Variants in PTPRT observed in about 807,000 individuals in gnomAD.
PTPRT encodes receptor-type tyrosine-protein phosphatase T.
PTPRT carries 56 observed loss-of-function variants against 176.8 expected under a neutral mutation model. The ratio of observed to expected loss-of-function variants is 0.32; its 90% CI spans 0.26 to 0.40. The LOEUF is 0.40. Among genes scored for constraint, PTPRT ranks in the 10% least tolerant of loss-of-function variants. The pLI, the probability that PTPRT is intolerant of heterozygous loss-of-function variation, is 1.00. For synonymous variants in PTPRT, 783 were observed against 739.0 expected, an observed-to-expected ratio of 1.06 and a Z score of -0.96; for missense variants, 1,540 against 1,908.2, an observed-to-expected ratio of 0.81 and a Z score of 3.60.
At chr20:42,356,300 GGC>G (rs1213862998) in intron 9 of PTPRT, among the ~76,000 whole-genome samples, 2 of 152,144 alleles carry the variant, frequency 1.3e-5, no homozygotes, top group African/African-American at 4.8e-5. Context: ...CTGGGCTCCT[GGC>G]ATGGGTTCTG....
intron 27 of PTPRT, among the ~76,000 whole-genome samples, chr20:42,097,851 G>A (rs1397657746): frequency 6.6e-6 from 1 of 152,228 alleles, no homozygotes; most frequent in East Asian, 1.9e-4. Context: ...TCCTGAGTAT[G>A]GGGATATGCT....
At chr20:42,473,668 T>A (rs1029070363) in intron 7 of PTPRT, among the ~76,000 whole-genome samples, 44 of 152,086 alleles carry the variant, frequency 2.9e-4, no homozygotes, top group African/African-American at 1.0e-3. Context: ...ACATATGGGG[T>A]CTCTCTATGT....
intron 1 of PTPRT, among the ~76,000 whole-genome samples, chr20:42,920,378 C>T (rs1190406051): frequency 6.6e-6 from 1 of 151,732 alleles, no homozygotes; most frequent in African/African-American, 2.4e-5. Flanking sequence ...TAAGTGGTCG[C>T]CTGGAGCAGG....
chr20:43,144,577 GT>G (rs1163244254), intron 1 of PTPRT, among the ~76,000 whole-genome samples: 1 of 152,114 alleles, frequency 6.6e-6, no homozygotes, highest in East Asian at 1.9e-4. Flanking sequence ...GGAATCAAAA[GT>G]GATGTATGAG....
intron 1 of PTPRT, among the ~76,000 whole-genome samples, chr20:42,978,154 A>G (rs1012223478): frequency 1.3e-5 from 2 of 152,278 alleles, no homozygotes; most frequent in African/African-American, 4.8e-5. Context: ...TGTCCTGAAC[A>G]TACATATTAA....
At chr20:42,149,367 C>T (rs142285461) in intron 17 of PTPRT, among the ~76,000 whole-genome samples, 5 of 151,036 alleles carry the variant, frequency 3.3e-5, no homozygotes, top group East Asian at 3.9e-4. Context: ...ATCAAGGTCT[C>T]GTGGACCAAG....
chr20:42,982,734 G>A (rs1250631941), intron 1 of PTPRT, among the ~76,000 whole-genome samples: 1 of 152,146 alleles, frequency 6.6e-6, no homozygotes, highest in East Asian at 1.9e-4. Flanking sequence ...TCCTTGATGA[G>A]CAGCCTCCAT....
rs74826474 is a variant in PTPRT, at chr20:42,855,038, C to T, written c.214+30769G>A. ...GAGACCTGGCAGCATCGTTGGGTAA[C>T]CCAGGATCTGGGCCTTTTGTTTGTT... On this transcript the variant is annotated intron_variant, in intron 2 of 30. Transcript: ENST00000373187. Among the ~76,000 whole-genome samples the T allele has an allele frequency of 1.0e-3, 154 of 152,278 alleles. 1 individual carries two copies. The East Asian group carries it at 0.02, about 20-fold the overall frequency.
chr20:42,886,778 A>G (rs559669348), intron 1 of PTPRT, among the ~76,000 whole-genome samples: 24 of 152,338 alleles, frequency 1.6e-4, no homozygotes, highest in African/African-American at 5.5e-4. Context: ...TGTACAATGG[A>G]GGCTCCAACT....
chr20:42,303,710 G>A (rs571276819), intron 12 of PTPRT, among the ~76,000 whole-genome samples: 3 of 152,152 alleles, frequency 2.0e-5, no homozygotes, highest in Non-Finnish European at 2.9e-5. Flanking sequence ...GGGAAGAAGC[G>A]TTAGGAGACT....
At chr20:42,437,236 T>C (rs182432406) in intron 9 of PTPRT, among the ~76,000 whole-genome samples, 1 of 152,300 alleles carries the variant, frequency 6.6e-6, no homozygotes, top group East Asian at 1.9e-4. Flanking sequence ...AGAAACAGTT[T>C]CATGAAACTA....
intron 1 of PTPRT, among the ~76,000 whole-genome samples, chr20:42,952,481 A>T (rs1203492861): frequency 6.6e-6 from 1 of 152,216 alleles, no homozygotes; most frequent in Admixed American, 6.5e-5. Context: ...TTAAACCTCA[A>T]TTCTGCCACT....
intron 27 of PTPRT, among the ~76,000 whole-genome samples, chr20:42,095,805 A>G (rs1985149831): frequency 6.6e-6 from 1 of 152,198 alleles, no homozygotes; most frequent in African/African-American, 2.4e-5. Context: ...CCAAGCACCT[A>G]GAATAGCTTC....
chr20:42,132,014 G>A (rs1035235458), intron 18 of PTPRT, among the ~76,000 whole-genome samples: 4 of 152,156 alleles, frequency 2.6e-5, no homozygotes, highest in African/African-American at 2.4e-5. Context: ...CAGCAGCGGG[G>A]GTTTCATTTC....
Position 42,352,177 on chromosome 20 carries a change from A to G in PTPRT, c.1669T>C (p.Tyr557His), listed in dbSNP as rs769006735. Residue 557 changes from tyrosine (Y) to histidine (H), a missense_variant, in exon 10 of 31, where the codon TAC becomes CAC. Coordinates refer to ENST00000373187, the MANE Select transcript of PTPRT (RefSeq NM_007050.6). ...GTGAAGGAATAGGTGGTCCCTGGGT[A>G]CAGACCCACAAAGAGGTGGTGGGTT... ...NETHHLFVGL[Y>H]PGTTYSFTIK... The G allele has an allele frequency of 6.2e-7, 1 of 1,614,178 alleles. No individual in the cohort carries two copies. Among genetic ancestry groups the G allele is most frequent in the South Asian group, 1.1e-5 (1 of 91,084 alleles).
intron 11 of PTPRT, among the ~76,000 whole-genome samples, chr20:42,327,189 T>A (rs1292629038): frequency 2.0e-5 from 3 of 151,918 alleles, no homozygotes; most frequent in Non-Finnish European, 4.4e-5. Flanking sequence ...GAAAATTTTA[T>A]CACTTAGTGT....
rs57178522 is a variant in PTPRT at position 42,935,147 on chromosome 20, ATTTTTTTTTTTTTTTT to A, written c.89-49231_89-49216del. On this transcript the variant is annotated intron_variant, in intron 1 of 30. Coordinates refer to ENST00000373187, the MANE Select transcript of PTPRT (RefSeq NM_007050.6). ...AGGGCGTCTCATTGCTTTTGCCATA[ATTTTTTTTTTTTTTTT>A]TTTTTTTTTTTTTTTGCCCAAGCTG... Among the ~76,000 whole-genome samples the A allele has an allele frequency of 5.1e-3, 217 of 42,186 alleles. 4 individuals are homozygous for A. The highest frequency in any genetic ancestry group is 0.02 in the African/African-American group (212 of 10,588). 27.7% of individuals were successfully genotyped at this position (42,186 alleles called of 152,430 possible).
At chr20:42,420,804 C>G (rs984791004) in intron 9 of PTPRT, among the ~76,000 whole-genome samples, 1 of 152,176 alleles carries the variant, frequency 6.6e-6, no homozygotes, top group Non-Finnish European at 1.5e-5. Flanking sequence ...GCCAAGACCT[C>G]ACAACATTTG....
In PTPRT at chr20:42,073,620, C is replaced by T. The variant is rs1158083073; in HGVS notation, c.*7259G>A. On this transcript the variant is annotated 3_prime_UTR_variant, in exon 31 of 31. Coordinates refer to ENST00000373187, the MANE Select transcript of PTPRT (RefSeq NM_007050.6). ...TGAGAGATCTACATGGGTATTGGGT[C>T]TATGGCAAAGCAGCTGTTCCCTATG... The T allele has an allele frequency of 4.7e-6, 1 of 212,318 alleles. No individual in the cohort carries two copies. The highest frequency in any genetic ancestry group is 2.3e-5 in the African/African-American group (1 of 42,774). 13.2% of individuals were successfully genotyped at this position (212,318 alleles called of 1,614,324 possible).
Sources: gnomAD v4.1 joint callset for allele counts (sites outside exome capture counted in the v4.1 genomes callset) on GRCh38, gnomAD v4.1.1 for gene constraint, MANE v1.5 for transcripts, NCBI Gene and HGNC (gene_info 2026-07-23, HGNC 2026-07-21) for gene names.